Variants in CAMKK1 observed in about 807,000 individuals in gnomAD.
The protein encoded by CAMKK1 is calcium/calmodulin-dependent protein kinase kinase 1.
CAMKK1 carries 20 observed loss-of-function variants against 63.5 expected under a neutral mutation model. The ratio of observed to expected loss-of-function variants is 0.32; its 90% CI spans 0.22 to 0.46. The LOEUF is 0.46. Among genes scored for constraint, CAMKK1 ranks in the 20% least tolerant of loss-of-function variants. The pLI is 1.00. For synonymous variants in CAMKK1, 253 were observed against 269.0 expected (o/e 0.94, Z 0.58); for missense variants, 588 against 658.1 (o/e 0.89, Z 1.17).
chr17:3,863,887 C>T (rs2054411232), intron 15 of CAMKK1, among the ~76,000 whole-genome samples: 1 of 152,154 alleles, frequency 6.6e-6, no homozygotes, highest in Admixed American at 6.5e-5. Context: ...TGCTGGACCA[C>T]AGGCTCTGAG....
chr17:3,865,524 C>A, intron 15 of CAMKK1: 1 of 1,034,208 alleles, frequency 9.7e-7, no homozygotes, highest in Non-Finnish European at 1.2e-6. Context: ...AGCCTGTCTG[C>A]AAACCTCTGC....
chr17:3,877,641 C>T (rs1267970395), intron 9 of CAMKK1, among the ~76,000 whole-genome samples: 4 of 152,134 alleles, frequency 2.6e-5, no homozygotes, highest in African/African-American at 9.7e-5. Flanking sequence ...GCAGAGAAGG[C>T]GGGTGCCGTA....
rs1407151410 is a variant in CAMKK1, at chr17:3,882,671, C to T, written c.649-107G>A. The stretch of plus-strand genomic sequence containing the variant: ...CCCAGAACCCTTAGTATGCATGCAA[C>T]CACCCCAGACAAGGAAGCAGGAAGT... On this transcript the variant is annotated intron_variant, in intron 6 of 15. Coordinates refer to ENST00000348335, the MANE Select transcript of CAMKK1 (RefSeq NM_032294.3). This position sits in a 1 kb window ranked among gnomAD's most constrained non-coding sequence, Gnocchi z 4.3. The T allele has an allele frequency of 1.9e-6, 2 of 1,041,788 alleles. No individual in the cohort carries two copies. Among genetic ancestry groups the T allele is most frequent in the Admixed American group, 2.1e-5 (1 of 48,056 alleles). 64.5% of individuals were successfully genotyped at this position (1,041,788 alleles called of 1,614,324 possible). A position where few individuals can be genotyped will look rare whatever the true frequency, so the allele number is the denominator to read the frequency against.
At position 3,883,834 on chromosome 17, in the gene CAMKK1, G is replaced by A. The variant is rs751500542; in HGVS notation, c.462+50C>T. On this transcript the variant is annotated intron_variant, in intron 4 of 15. Transcript: ENST00000348335. The surrounding 1 kb of genome is among the most constrained non-coding windows in gnomAD (Gnocchi z 4.7). ...GCACAACTCCTGCCCCACCCCTCAG[G>A]CTTCCAGGGCCTGGCTTGGGCAACA... 17 of 1,592,780 alleles carry A rather than the reference G, an allele frequency of 1.1e-5. No homozygotes were observed. In the South Asian group the frequency reaches 1.9e-4, roughly 18 times the overall value.
Position 3,869,503 on chromosome 17 carries a change from G to C in CAMKK1, c.1325C>G (p.Pro442Arg), listed in dbSNP as rs764066472. The part of the protein sequence containing the change: ...EEVKNSVRLI[P>R]SWTTVILVKS... Reference sequence around the variant, plus strand: ...CTCTCTTACCACCGTGGTCCAGCTGGGGATGAGCCTGACTGAGTTCTTAAC... The same window carrying C: ...CTCTCTTACCACCGTGGTCCAGCTGCGGATGAGCCTGACTGAGTTCTTAAC... The change falls in exon 14 of 16, where the codon CCC becomes CGC. Residue 442 changes from proline to arginine, a missense_variant. Around this residue, in one of 3 missense-constraint regions of CAMKK1, gnomAD observed 226 missense variants for 229.2 expected, o/e 0.99. Coordinates refer to ENST00000348335, the MANE Select transcript of CAMKK1 (RefSeq NM_032294.3). 3.7e-6 allele frequency: 6 copies of C among 1,614,082 alleles called. No individual in the cohort carries two copies. Among genetic ancestry groups the C allele is most frequent in the Non-Finnish European group, 4.2e-6 (5 of 1,180,052 alleles).
intron 1 of CAMKK1, among the ~76,000 whole-genome samples, chr17:3,891,807 G>A (rs1482799390): frequency 6.6e-6 from 1 of 152,140 alleles, no homozygotes. Flanking sequence ...CTGGGACTCC[G>A]GGCTTGGTTT....
chr17:3,870,303 C>T (rs1460765074), intron 12 of CAMKK1, among the ~76,000 whole-genome samples: 1 of 151,874 alleles, frequency 6.6e-6, no homozygotes, highest in Non-Finnish European at 1.5e-5. Flanking sequence ...ATGGGAGACT[C>T]AGATGGGAGG....
chr17:3,880,231 G>T, intron 9 of CAMKK1, 115 bp downstream of exon 9: 1 of 875,790 alleles, frequency 1.1e-6, no homozygotes, highest in Non-Finnish European at 1.8e-6. Flanking sequence ...CACTGAAGCT[G>T]ATTGGCAGGT....
At position 3,882,191 on chromosome 17, in the gene CAMKK1, G is replaced by T. The variant is rs2055436701; in HGVS notation, c.685+337C>A. 2 of 1,136,960 alleles carry T rather than the reference G, an allele frequency of 1.8e-6. No individual in the cohort carries two copies. The highest frequency in any genetic ancestry group is 1.5e-5 in the African/African-American group (1 of 64,620). The allele number at this position is 1,136,960 out of a possible 1,614,324, so 70.4% of individuals were successfully genotyped here. ...ACACCACTAGTATCCCTGTTTTATA[G>T]GTGGGAAAACTGAGGCACAGAGCTA... On this transcript the variant is annotated intron_variant, in intron 7 of 15. Transcript: ENST00000348335. This position sits in a 1 kb window ranked among gnomAD's most constrained non-coding sequence, Gnocchi z 4.3.
Position 3,884,014 on chromosome 17 carries a change from G to T in CAMKK1, c.409-77C>A. On this transcript the variant is annotated intron_variant, in intron 3 of 15. Transcript: ENST00000348335. This position sits in a 1 kb window ranked among gnomAD's most constrained non-coding sequence, Gnocchi z 4.5. ...ACCAGCTCAGGAGGTGGGGAGCCGA[G>T]CAGCTCTGGTCTCTCCTGCACCCCA... The T allele has an allele frequency of 7.0e-7, 1 of 1,431,340 alleles. No individual in the cohort carries two copies. 88.7% of individuals were successfully genotyped at this position (1,431,340 alleles called of 1,614,324 possible).
At position 3,865,967 on chromosome 17, in the gene CAMKK1, C is replaced by G. The variant is rs148525822; in HGVS notation, c.1386G>C (p.Pro462=). The G allele has an allele frequency of 6.2e-7, 1 of 1,614,204 alleles. No homozygotes were observed. Among genetic ancestry groups the G allele is most frequent in the South Asian group, 1.1e-5 (1 of 91,084 alleles). The change falls in exon 15 of 16, where the codon CCG becomes CCC. Residue 462 remains proline, a synonymous_variant. Coordinates refer to ENST00000348335, the MANE Select transcript of CAMKK1 (RefSeq NM_032294.3). ...SMLRKRSFGN[P]FEPQARREER... ...CTTCCCTCCGTGCTTGGGGCTCAAA[C>G]GGGTTCCCAAAGGAACGCTTCCTCA...
chr17:3,882,653 C>T lies in CAMKK1; in HGVS notation c.649-89G>A. ...CTCCTGGTCCTTGCCAGCCCCAGAA[C>T]CCTTAGTATGCATGCAACCACCCCA... On this transcript the variant is annotated intron_variant, in intron 6 of 15. Transcript: ENST00000348335. The surrounding 1 kb of genome is among the most constrained non-coding windows in gnomAD (Gnocchi z 4.3). 1 of 1,252,430 alleles carries T rather than the reference C, an allele frequency of 8.0e-7. No individual in the cohort carries two copies. 77.6% of individuals were successfully genotyped at this position (1,252,430 alleles called of 1,614,324 possible). A position where few individuals can be genotyped will look rare whatever the true frequency, so the allele number is the denominator to read the frequency against.
chr17:3,873,646 G>A (rs749757278), intron 10 of CAMKK1, among the ~76,000 whole-genome samples, 184 bp from the exon 11 acceptor site: 15 of 152,110 alleles, frequency 9.9e-5, no homozygotes, highest in Non-Finnish European at 1.5e-4. Flanking sequence ...ACACAGGGGC[G>A]GCCAGAACAA....
intron 12 of CAMKK1, 132 bp from the exon 13 acceptor site, chr17:3,870,020 A>G (rs886460175): frequency 2.8e-6 from 2 of 717,102 alleles, no homozygotes; most frequent in Non-Finnish European, 4.8e-6. Context: ...GAATTTCACA[A>G]CAAGGGCTTG....
intron 14 of CAMKK1, among the ~76,000 whole-genome samples, chr17:3,867,194 G>A (rs995899859): frequency 6.6e-6 from 1 of 152,238 alleles, no homozygotes; most frequent in Non-Finnish European, 1.5e-5. Context: ...TTCTCTCTAG[G>A]AGGGGACCCT....
chr17:3,886,701 CAT>C (rs2055667533), intron 1 of CAMKK1, among the ~76,000 whole-genome samples: 1 of 152,106 alleles, frequency 6.6e-6, no homozygotes, highest in African/African-American at 2.4e-5. Context: ...CCCTGAGACT[CAT>C]GTTCTCAAAC....
Position 3,882,594 on chromosome 17 carries a change from G to C in CAMKK1, c.649-30C>G. ...TCAGAGGGAGCAGACATGGGGGTGG[G>C]GCTTGAGGAGGCGTGGGGTTGGAGG... On this transcript the variant is annotated intron_variant, in intron 6 of 15. Coordinates refer to ENST00000348335, the MANE Select transcript of CAMKK1 (RefSeq NM_032294.3). This position sits in a 1 kb window ranked among gnomAD's most constrained non-coding sequence, Gnocchi z 4.3. The C allele has an allele frequency of 6.3e-7, 1 of 1,579,880 alleles. No homozygotes were observed. The highest frequency in any genetic ancestry group is 8.6e-7 in the Non-Finnish European group (1 of 1,162,716).
chr17:3,890,513 C>T lies in CAMKK1; in HGVS notation c.-44+2426G>A, dbSNP rs921197811. ...ATGTTCCCGAGCAGCTCAGATCCAA[C>T]AGGCCCCAGATTCAACTCAGCATCT... On this transcript the variant is annotated intron_variant, in intron 1 of 15. Transcript: ENST00000348335. This position sits in a 1 kb window ranked among gnomAD's most constrained non-coding sequence, Gnocchi z 6.5. Among the ~76,000 whole-genome samples the T allele has an allele frequency of 2.0e-5, 3 of 152,154 alleles. No homozygotes were observed. Among genetic ancestry groups the T allele is most frequent in the Non-Finnish European group, 4.4e-5 (3 of 68,018 alleles).
At chr17:3,873,131 G>A (rs563766470) in intron 11 of CAMKK1, among the ~76,000 whole-genome samples, 6 of 152,348 alleles carry the variant, frequency 3.9e-5, no homozygotes, top group East Asian at 1.9e-4. Flanking sequence ...AGTGAATGGC[G>A]TCAAGGGACA....
Sources: allele counts gnomAD v4.1 joint callset (sites outside exome capture counted in the v4.1 genomes callset), GRCh38; gene constraint gnomAD v4.1.1; regional missense constraint gnomAD v4.1.1; non-coding constraint Gnocchi (gnomAD v3.1); transcripts MANE v1.5; gene names NCBI Gene and HGNC (gene_info 2026-07-23, HGNC 2026-07-21).